The following ZNF609 variants were observed in gnomAD, a reference collection of about 807,000 sequenced individuals.
The protein encoded by ZNF609 is zinc finger protein 609.
ZNF609 carries 11 observed loss-of-function variants against 109.5 expected under a neutral mutation model. The ratio of observed to expected loss-of-function variants is 0.10; its 90% CI spans 0.06 to 0.17. ZNF609 has a LOEUF of 0.17. Ranked by LOEUF, ZNF609 falls within the 10% of genes least tolerant of loss-of-function variation. ZNF609 has a pLI of 1.00. For missense variants in ZNF609, 1,559 were observed against 1,772.4 expected (o/e 0.88, Z 2.16); for synonymous variants, 646 against 662.0 (o/e 0.98, Z 0.37).
chr15:64,503,872 A>T (rs1170796846), intron 2 of ZNF609, among the ~76,000 whole-genome samples: 5 of 152,184 alleles, frequency 3.3e-5, no homozygotes, highest in Admixed American at 1.3e-4. Flanking sequence ...TCAACTTCTG[A>T]TCATGCATGC....
chr15:64,606,800 C>G (rs1230166130), intron 2 of ZNF609, among the ~76,000 whole-genome samples: 1 of 151,644 alleles, frequency 6.6e-6, no homozygotes, highest in Admixed American at 6.6e-5. Flanking sequence ...GTCAGGAGTT[C>G]GAGATCAGTC....
At chr15:64,503,280 T>A (rs1166699977) in intron 2 of ZNF609, among the ~76,000 whole-genome samples, 1 of 152,212 alleles carries the variant, frequency 6.6e-6, no homozygotes, top group African/African-American at 2.4e-5. Context: ...TAGCAACTGC[T>A]GCTGCTCTGA....
At chr15:64,571,078 T>C (rs1894852698) in intron 2 of ZNF609, among the ~76,000 whole-genome samples, 1 of 152,198 alleles carries the variant, frequency 6.6e-6, no homozygotes, top group Non-Finnish European at 1.5e-5. Context: ...TCTTTTTCTT[T>C]TTAAAAGTCC....
intron 2 of ZNF609, among the ~76,000 whole-genome samples, chr15:64,585,978 AG>A (rs1051888544): frequency 1.3e-5 from 2 of 152,016 alleles, no homozygotes; most frequent in African/African-American, 2.4e-5. Flanking sequence ...CCCGAGTAGC[AG>A]GGACCACAGA....
At chr15:64,462,181 C>G (rs1455162260) in intron 1 of ZNF609, among the ~76,000 whole-genome samples, 2 of 152,096 alleles carry the variant, frequency 1.3e-5, no homozygotes, top group African/African-American at 4.8e-5. Flanking sequence ...GAGAAAGGCT[C>G]TTCTTTTTGA....
At chr15:64,579,909 A>C (rs1421576530) in intron 2 of ZNF609, among the ~76,000 whole-genome samples, 1 of 152,220 alleles carries the variant, frequency 6.6e-6, no homozygotes, top group Non-Finnish European at 1.5e-5. Flanking sequence ...CTACTATGGC[A>C]GGTAGGCAGA....
chr15:64,580,056 A>T (rs751234220), intron 2 of ZNF609, among the ~76,000 whole-genome samples: 11 of 152,200 alleles, frequency 7.2e-5, no homozygotes, highest in Non-Finnish European at 1.3e-4. Context: ...AGATTATCCA[A>T]TGGTTCCAAT....
At chr15:64,509,515 C>T (rs1418363346) in intron 2 of ZNF609, among the ~76,000 whole-genome samples, 1 of 152,176 alleles carries the variant, frequency 6.6e-6, no homozygotes, top group Non-Finnish European at 1.5e-5. Context: ...AATTAATCCC[C>T]TGAAGGCTTT....
rs201381585 is a variant in ZNF609 at position 64,506,147 on chromosome 15, G to GTATT, written c.747+5997_747+6000dup. 8.9e-3 allele frequency among the ~76,000 whole-genome samples: 1,348 copies of GTATT among 151,512 alleles called. 22 individuals carry two copies. Among genetic ancestry groups the GTATT allele is most frequent in the African/African-American group, 0.031 (1,291 of 41,320 alleles). ...AGAGAAATAGCACCTACATAAGTTTGTATTTATTTATTTATTTATGAGAGG... is the reference window on the plus strand; with the variant it reads ...AGAGAAATAGCACCTACATAAGTTTGTATTTATTTATTTATTTATTTATGAGAGG... On this transcript the variant is annotated intron_variant, in intron 2 of 9. Transcript: ENST00000326648.
At chr15:64,679,850 T>A (rs1483408506) in intron 6 of ZNF609, among the ~76,000 whole-genome samples, 1 of 152,192 alleles carries the variant, frequency 6.6e-6, no homozygotes, top group African/African-American at 2.4e-5. Flanking sequence ...CAGAGTAAGG[T>A]TTTGAGCCCA....
At chr15:64,538,315 C>T (rs1028833009) in intron 2 of ZNF609, among the ~76,000 whole-genome samples, 1 of 152,188 alleles carries the variant, frequency 6.6e-6, no homozygotes, top group Non-Finnish European at 1.5e-5. Flanking sequence ...ATGTCACAAA[C>T]TGTTAACCAT....
chr15:64,554,251 T>C (rs1894537981), intron 2 of ZNF609, among the ~76,000 whole-genome samples: 1 of 152,240 alleles, frequency 6.6e-6, no homozygotes, highest in Non-Finnish European at 1.5e-5. Flanking sequence ...AGTCCTCTTC[T>C]ATTCCTGGCG....
intron 2 of ZNF609, among the ~76,000 whole-genome samples, chr15:64,620,694 T>G (rs1895862252): frequency 6.6e-6 from 1 of 152,166 alleles, no homozygotes; most frequent in African/African-American, 2.4e-5. Flanking sequence ...TGGCAGCTCT[T>G]CAGGGACCAG....
intron 2 of ZNF609, among the ~76,000 whole-genome samples, chr15:64,547,469 TG>T (rs1894384118): frequency 6.6e-6 from 1 of 152,208 alleles, no homozygotes; most frequent in Non-Finnish European, 1.5e-5. Flanking sequence ...TATGTAGAAT[TG>T]ACATGGCAGA....
In ZNF609 at chr15:64,674,597, C is replaced by T. The variant is rs200880859; in HGVS notation, c.1743C>T (p.Ser581=). 1 of 1,613,944 alleles carries T rather than the reference C, an allele frequency of 6.2e-7. No homozygotes were observed. ...AGCCCCATAGCCCTTCTCCTTCAAG[C>T]AAATTCAGCACAAAAGGCCTCTGTA... ...LVEPHSPSPS[S]KFSTKGLCKK... The change falls in exon 5 of 10, where the codon AGC becomes AGT. Residue 581 remains serine (S), a synonymous_variant. Coordinates refer to ENST00000326648, the MANE Select transcript of ZNF609 (RefSeq NM_015042.2).
chr15:64,653,902 A>G (rs542871878), intron 3 of ZNF609, among the ~76,000 whole-genome samples: 1 of 152,340 alleles, frequency 6.6e-6, no homozygotes, highest in East Asian at 1.9e-4. Context: ...CCAACTTGCT[A>G]GGAATCATAA....
At position 64,499,971 on chromosome 15, in the gene ZNF609, G is replaced by A. The variant is rs910867827; in HGVS notation, c.552G>A (p.Gly184=). 1 of 1,613,950 alleles carries A rather than the reference G, an allele frequency of 6.2e-7. No homozygotes were observed. The highest frequency in any genetic ancestry group is 1.3e-5 in the African/African-American group (1 of 74,892). The part of the protein sequence containing the change: ...GVGTCSEKDP[G]VLQPVPLGGR... ...GGACTTGTTCAGAAAAGGATCCTGG[G>A]GTCCTCCAGCCAGTTCCCTTGGGAG... The change falls in exon 2 of 10, where the codon GGG becomes GGA. Residue 184 remains glycine, a synonymous_variant. Coordinates refer to ENST00000326648, the MANE Select transcript of ZNF609 (RefSeq NM_015042.2).
At chr15:64,545,448 C>G (rs1443491570) in intron 2 of ZNF609, among the ~76,000 whole-genome samples, 2 of 152,178 alleles carry the variant, frequency 1.3e-5, no homozygotes, top group Non-Finnish European at 2.9e-5. Flanking sequence ...ATTCACCTGC[C>G]TCAGCCACCC....
At position 64,675,808 on chromosome 15, in the gene ZNF609, A is replaced by G; in HGVS notation, c.2954A>G (p.Tyr985Cys). Residue 985 changes from tyrosine (Y) to cysteine (C), a missense_variant, in exon 5 of 10, where the codon TAC becomes TGC. Physicochemically the swap from Tyr to Cys is radical, Grantham distance 194. Coordinates refer to ENST00000326648, the MANE Select transcript of ZNF609 (RefSeq NM_015042.2). ...TATGCCTATGTACCCCCCTATGGCT[A>G]CAGCGACCAGAGTTACCACACCCAC... is the stretch of plus-strand genomic sequence containing the variant. The part of the protein sequence containing the change: ...NQYAYVPPYG[Y>C]SDQSYHTHLL... The G allele has an allele frequency of 6.2e-7, 1 of 1,614,218 alleles. No homozygotes were observed. Among genetic ancestry groups the G allele is most frequent in the Admixed American group, 1.7e-5 (1 of 60,032 alleles).
Sources: allele counts gnomAD v4.1 joint callset (sites outside exome capture counted in the v4.1 genomes callset), GRCh38; gene constraint gnomAD v4.1.1; transcripts MANE v1.5; gene names NCBI Gene and HGNC (gene_info 2026-07-23, HGNC 2026-07-21).